Variants in COL6A5 observed in about 807,000 individuals in gnomAD.
COL6A5 encodes collagen alpha-5(VI) chain.
COL6A5 carries 48 observed loss-of-function variants against 65.6 expected under a neutral mutation model. That is an observed-to-expected ratio of 0.73 (90% CI 0.58 to 0.93). COL6A5 has a LOEUF of 0.93. Among genes scored for constraint, COL6A5 ranks in the 40% least tolerant of loss-of-function variants. COL6A5 has a pLI of 0.00. For missense variants in COL6A5, 914 were observed against 928.3 expected (o/e 0.98, Z 0.20); for synonymous variants, 291 against 322.8 (o/e 0.90, Z 1.05).
At chr3:130,434,791 T>A (rs895285690) in intron 1 of COL6A5, among the ~76,000 whole-genome samples, 1 of 152,156 alleles carries the variant, frequency 6.6e-6, no homozygotes, top group Admixed American at 6.6e-5. Context: ...GTTTTTTGGG[T>A]TTTTTTCTTG....
At chr3:130,407,083 GT>G (rs1937019693) in intron 17 of COL6A5, among the ~76,000 whole-genome samples, 1 of 152,222 alleles carries the variant, frequency 6.6e-6, no homozygotes, top group South Asian at 2.1e-4. Context: ...GGGGGCAGGG[GT>G]TGTCCAGAAA....
At chr3:130,366,830 T>C (rs1344804024) in intron 1 of COL6A5, among the ~76,000 whole-genome samples, 1 of 152,250 alleles carries the variant, frequency 6.6e-6, no homozygotes, top group Admixed American at 6.5e-5. Context: ...CATAGACAGT[T>C]ATTGTATGAT....
At chr3:130,484,050 G>A (rs747682067) in exon 8 of COL6A5, 1 of 1,607,792 alleles carries the variant, frequency 6.2e-7, no homozygotes. Context: ...GAAGATACAA[G>A]GTCATCATAG....
intron 7 of COL6A5, among the ~76,000 whole-genome samples, chr3:130,479,419 CAAAACA>C (rs10662504): frequency 2.6e-5 from 4 of 151,230 alleles, no homozygotes; most frequent in East Asian, 1.9e-4. Flanking sequence ...TTTTATCAGG[CAAAACA>C]AAAACAAAAA....
intron 10 of COL6A5, among the ~76,000 whole-genome samples, chr3:130,399,370 C>CTT (rs34407199): frequency 0.011 from 1,484 of 130,400 alleles, 29 homozygotes; most frequent in African/African-American, 0.039. Context: ...TCATTTCTTT[C>CTT]TTTTTTTTTT....
chr3:130,362,376 T>C (rs1014899348), intron 1 of COL6A5, among the ~76,000 whole-genome samples: 1 of 148,096 alleles, frequency 6.8e-6, no homozygotes, highest in Non-Finnish European at 1.5e-5. Flanking sequence ...GTTTCAGCAC[T>C]GTTTGTTGAA....
intron 25 of COL6A5, among the ~76,000 whole-genome samples, chr3:130,419,305 A>C (rs1429913399): frequency 1.3e-5 from 2 of 152,164 alleles, no homozygotes; most frequent in Non-Finnish European, 2.9e-5. Context: ...AATAAGGCTA[A>C]GAAATGGGGC....
intron 6 of COL6A5, among the ~76,000 whole-genome samples, chr3:130,469,932 C>A (rs921964504): frequency 6.6e-6 from 1 of 151,954 alleles, no homozygotes; most frequent in African/African-American, 2.4e-5. Context: ...CAGGGCTATG[C>A]TGTTGTCTAG....
At position 130,409,995 on chromosome 3, in the gene COL6A5, A is replaced by C. The variant is rs780861955; in HGVS notation, c.4543-14A>C. On this transcript the variant is annotated splice_polypyrimidine_tract_variant and intron_variant and NMD_transcript_variant, in intron 18 of 41. Transcript: ENST00000312481. ...TTTCTGGATTCTAAACTACTTTTAA[A>C]AATCTTTCTCTAGGGTAATCCAGGA... 6.5e-7 allele frequency: 1 copy of C among 1,532,430 alleles called. No individual in the cohort carries two copies. Among genetic ancestry groups the C allele is most frequent in the South Asian group, 1.2e-5 (1 of 83,292 alleles). 94.9% of individuals were successfully genotyped at this position (1,532,430 alleles called of 1,614,324 possible).
intron 13 of COL6A5, among the ~76,000 whole-genome samples, chr3:130,404,103 C>T (rs544722909): frequency 4.6e-5 from 7 of 152,314 alleles, no homozygotes; most frequent in African/African-American, 1.7e-4. Flanking sequence ...TGGGCCAAGG[C>T]TGGAGTATAC....
chr3:130,463,306 C>T (rs1709741087), intron 5 of COL6A5, among the ~76,000 whole-genome samples: 1 of 126,692 alleles, frequency 7.9e-6, no homozygotes, highest in African/African-American at 2.6e-5. Flanking sequence ...TTAATTTTGG[C>T]CCCTGAACAA....
upstream of COL6A5, chr3:130,431,307 A>G (rs1213846701): frequency 4.8e-6 from 4 of 834,412 alleles, no homozygotes; most frequent in South Asian, 1.4e-5. Flanking sequence ...TGCAGGCCAG[A>G]TTTCTTTCCT....
At chr3:130,359,209 A>G (rs1935024067) in intron 1 of COL6A5, among the ~76,000 whole-genome samples, 1 of 152,190 alleles carries the variant, frequency 6.6e-6, no homozygotes, top group African/African-American at 2.4e-5. Flanking sequence ...TATTTGAGCC[A>G]TCAATTGTTT....
intron 2 of COL6A5, among the ~76,000 whole-genome samples, chr3:130,374,707 GC>G (rs1935699382): frequency 6.6e-6 from 1 of 152,042 alleles, no homozygotes; most frequent in Non-Finnish European, 1.5e-5. Flanking sequence ...TACCACCTTG[GC>G]CTTCCAAAGT....
intron 5 of COL6A5, among the ~76,000 whole-genome samples, chr3:130,465,186 G>A (rs1709786391): frequency 6.6e-6 from 1 of 152,200 alleles, no homozygotes; most frequent in African/African-American, 2.4e-5. Flanking sequence ...GAGGAGCCCA[G>A]TGAGCTCCTG....
chr3:130,458,093 A>C (rs1709618043), intron 5 of COL6A5, among the ~76,000 whole-genome samples: 1 of 152,112 alleles, frequency 6.6e-6, no homozygotes, highest in Admixed American at 6.6e-5. Context: ...TTTCAAAAGA[A>C]GCACAATCAT....
At chr3:130,472,832 C>CATATATATATATATATATATATATATAT (rs10654631) in intron 7 of COL6A5, among the ~76,000 whole-genome samples, 3 of 99,390 alleles carry the variant, frequency 3.0e-5, no homozygotes, top group South Asian at 3.9e-4. Context: ...TGTGTGTATA[C>CATATATATATATATATATATATATATAT]ATATATATAT....
At chr3:130,484,706 C>CG (rs72589189) in exon 8 of COL6A5, 2 of 262,238 alleles carry the variant, frequency 7.6e-6, no homozygotes, top group South Asian at 2.9e-4. Flanking sequence ...TAAATTTTAG[C>CG]AGCTTTGCTT....
chr3:130,407,107 G>A (rs1021107324), intron 17 of COL6A5, among the ~76,000 whole-genome samples: 1 of 152,226 alleles, frequency 6.6e-6, no homozygotes, highest in Non-Finnish European at 1.5e-5. Context: ...CTTCCTGGAG[G>A]AAATGACTTC....
Sources: allele counts gnomAD v4.1 joint callset (sites outside exome capture counted in the v4.1 genomes callset), GRCh38; gene constraint gnomAD v4.1.1; transcripts MANE v1.5; gene names NCBI Gene and HGNC (gene_info 2026-07-23, HGNC 2026-07-21).